ADAP1: variants seen among roughly 807,000 people sequenced by gnomAD.
The protein encoded by ADAP1 is arf-GAP with dual PH domain-containing protein 1.
A neutral mutation model predicts 54.9 loss-of-function variants in ADAP1; 31 were observed. The ratio of observed to expected loss-of-function variants is 0.56; its 90% confidence interval spans 0.42 to 0.76. The LOEUF is 0.76. Among genes scored for constraint, ADAP1 ranks in the 30% least tolerant of loss-of-function variants. The pLI, the probability that ADAP1 is intolerant of heterozygous loss-of-function variation, is 0.00. For missense variants in ADAP1, 535 were observed against 512.4 expected (o/e 1.04, Z -0.42); for synonymous variants, 313 against 202.6 (o/e 1.55, Z -4.63).
intron 4 of ADAP1, among the ~76,000 whole-genome samples, chr7:911,595 G>A (rs1845726031): frequency 7.9e-6 from 1 of 126,644 alleles, no homozygotes; most frequent in Non-Finnish European, 1.7e-5. Flanking sequence ...GGGCCAGGAA[G>A]GGGGCGGGGG....
intron 4 of ADAP1, among the ~76,000 whole-genome samples, chr7:906,888 G>A (rs1845484868): frequency 7.0e-6 from 1 of 143,288 alleles, no homozygotes; most frequent in Admixed American, 7.1e-5. Context: ...TGCAACCCTG[G>A]CCCAAGCCAG....
intron 4 of ADAP1, among the ~76,000 whole-genome samples, chr7:916,793 G>A (rs1028285110): frequency 5.3e-5 from 8 of 152,236 alleles, no homozygotes; most frequent in South Asian, 2.1e-4. Flanking sequence ...GGGCAGAGCC[G>A]ACAGGACCGC....
intron 4 of ADAP1, among the ~76,000 whole-genome samples, chr7:907,736 G>A (rs1489479979): frequency 2.0e-5 from 3 of 152,202 alleles, no homozygotes; most frequent in Non-Finnish European, 4.4e-5. Flanking sequence ...CCGTGTCCTG[G>A]GCTCCGTCTG....
Position 954,379 on chromosome 7 carries a change from A to T in ADAP1, c.82+17T>A. On this transcript the variant is annotated intron_variant, in intron 1 of 10. Coordinates refer to ENST00000265846, the MANE Select transcript of ADAP1 (RefSeq NM_006869.4). ...CCCGGACCCACCCGGCCCCGCGCCC[A>T]CCCGGCCCACACCTACCCGGGGCGC... 1 of 935,176 alleles carries T rather than the reference A, an allele frequency of 1.1e-6. No individual in the cohort carries two copies. The highest frequency in any genetic ancestry group is 1.3e-6 in the Non-Finnish European group (1 of 772,062). 57.9% of individuals were successfully genotyped at this position (935,176 alleles called of 1,614,324 possible).
intron 4 of ADAP1, chr7:905,649 GAAAGGAGAAAGGAGAAAGGA>G (rs1583130025): frequency 4.9e-5 from 2 of 40,732 alleles, no homozygotes; most frequent in African/African-American, 5.9e-4. Flanking sequence ...AGGAGAAAGG[GAAAGGAGAAAGGAGAAAGGA>G]GAAAGGGAAA....
chr7:949,937 G>GT (rs1447347603), intron 1 of ADAP1, among the ~76,000 whole-genome samples: 1 of 152,256 alleles, frequency 6.6e-6, no homozygotes, highest in East Asian at 1.9e-4. Flanking sequence ...AGCAACTCCA[G>GT]TCCTGGGTAC....
chr7:931,458 G>A (rs964948078), intron 2 of ADAP1, among the ~76,000 whole-genome samples: 2 of 152,160 alleles, frequency 1.3e-5, no homozygotes, highest in Non-Finnish European at 2.9e-5. Context: ...CTGGCACCGC[G>A]GGAAAGGAGT....
At chr7:933,665 CTGG>C (rs1846660629) in intron 2 of ADAP1, among the ~76,000 whole-genome samples, 17 of 48,864 alleles carry the variant, frequency 3.5e-4, no homozygotes, top group South Asian at 1.8e-3. Context: ...GTCAGTGGTG[CTGG>C]AGAGCCGGGG....
At chr7:928,235 C>T (rs908556579) in intron 2 of ADAP1, among the ~76,000 whole-genome samples, 1 of 151,960 alleles carries the variant, frequency 6.6e-6, no homozygotes, top group Non-Finnish European at 1.5e-5. Context: ...GACACAGCGG[C>T]TCACACCTGT....
At chr7:912,950 A>G (rs117980341) in intron 4 of ADAP1, among the ~76,000 whole-genome samples, 13,734 of 152,058 alleles carry the variant, frequency 0.09, 791 homozygotes, top group South Asian at 0.16. Flanking sequence ...CTGGGCTCAG[A>G]CCATCCTCCC....
chr7:951,580 A>G (rs1847272740), intron 1 of ADAP1, among the ~76,000 whole-genome samples: 1 of 150,482 alleles, frequency 6.6e-6, no homozygotes, highest in South Asian at 2.1e-4. Context: ...GTCTTAAAAA[A>G]AAAAATTAGC....
chr7:910,656 T>G (rs1048989608), intron 4 of ADAP1, among the ~76,000 whole-genome samples: 2 of 152,236 alleles, frequency 1.3e-5, no homozygotes, highest in Admixed American at 1.3e-4. Context: ...GCTAATTGTC[T>G]TGTAAACTGG....
rs1262619435 is a variant in ADAP1, at chr7:911,035, TC to T, written c.389-5864del. Among the ~76,000 whole-genome samples, 6 of 152,260 alleles carry T rather than the reference TC, an allele frequency of 3.9e-5. No homozygotes were observed. The South Asian group carries it at 1.2e-3, about 32-fold the overall frequency. The stretch of plus-strand genomic sequence containing the variant: ...CTGCCTGGCCCGTCCACCCACGCTC[TC>T]CGACCCATTAATGCACCTTCTCCAG... On this transcript the variant is annotated intron_variant, in intron 4 of 10. Coordinates refer to ENST00000265846, the MANE Select transcript of ADAP1 (RefSeq NM_006869.4).
At position 938,506 on chromosome 7, in the gene ADAP1, C is replaced by G. The variant is rs1846846321; in HGVS notation, c.83-3001G>C. 6.6e-6 allele frequency among the ~76,000 whole-genome samples: 1 copy of G among 152,070 alleles called. No individual in the cohort carries two copies. The highest frequency in any genetic ancestry group is 2.1e-4 in the South Asian group (1 of 4,836). On this transcript the variant is annotated intron_variant, in intron 1 of 10. Transcript: ENST00000265846. This position sits in a 1 kb window ranked among gnomAD's most constrained non-coding sequence, Gnocchi z 4.4. Reference sequence around the variant, plus strand: ...CTGCAAAGTATTTAGTTACACACACCCCTGGAGAACAGGTGGGGAAGAACC... The same window carrying G: ...CTGCAAAGTATTTAGTTACACACACGCCTGGAGAACAGGTGGGGAAGAACC...
chr7:899,629 A>C, intron 8 of ADAP1, 139 bp from the exon 9 acceptor site: 1 of 963,732 alleles, frequency 1.0e-6, no homozygotes. Context: ...GCCGCTGGCC[A>C]CGCCCCACGA....
Position 898,552 on chromosome 7 carries a change from G to C in ADAP1, c.*369C>G. The C allele has an allele frequency of 3.0e-6, 1 of 335,610 alleles. No individual in the cohort carries two copies. Among genetic ancestry groups the C allele is most frequent in the Non-Finnish European group, 5.7e-6 (1 of 174,516 alleles). The allele number at this position is 335,610 out of a possible 1,614,324, so 20.8% of individuals were successfully genotyped here. A position where few individuals can be genotyped will look rare whatever the true frequency, so the allele number is the denominator to read the frequency against. The stretch of plus-strand genomic sequence containing the variant: ...CTGCCCACCGTGCTGGCCCCAAGCA[G>C]GGCTCTGCGCTGAGGCCTGGAAGTT... On this transcript the variant is annotated 3_prime_UTR_variant, in exon 11 of 11. Coordinates refer to ENST00000265846, the MANE Select transcript of ADAP1 (RefSeq NM_006869.4).
At chr7:907,579 G>T (rs1000820152) in intron 4 of ADAP1, among the ~76,000 whole-genome samples, 1 of 152,162 alleles carries the variant, frequency 6.6e-6, no homozygotes, top group Non-Finnish European at 1.5e-5. Context: ...TCCCCCCCAG[G>T]CCCCGCTCCC....
At chr7:916,769 G>C (rs1477098790) in intron 4 of ADAP1, among the ~76,000 whole-genome samples, 1 of 152,122 alleles carries the variant, frequency 6.6e-6, no homozygotes, top group African/African-American at 2.4e-5. Flanking sequence ...GGGGGCAGGA[G>C]CTGCCCTGGA....
chr7:903,988 C>G (rs112171339), intron 6 of ADAP1, 138 bp downstream of exon 6: 1 of 1,202,458 alleles, frequency 8.3e-7, no homozygotes, highest in East Asian at 2.9e-5. Flanking sequence ...CTGCCCAGCC[C>G]GACTTCCCGC....
Sources: allele counts gnomAD v4.1 joint callset (sites outside exome capture counted in the v4.1 genomes callset), GRCh38; gene constraint gnomAD v4.1.1; non-coding constraint Gnocchi (gnomAD v3.1); transcripts MANE v1.5; gene names NCBI Gene and HGNC (gene_info 2026-07-23, HGNC 2026-07-21).